Variants in PTBP3 observed in about 807,000 individuals in gnomAD.
PTBP3 encodes polypyrimidine tract-binding protein 3.
A neutral mutation model predicts 58.7 loss-of-function variants in PTBP3; 20 were observed. The observed-to-expected ratio is 0.34, with a 90% CI of 0.24 to 0.50. The LOEUF (loss-of-function observed/expected upper bound fraction) is 0.50, where lower values mean the gene tolerates loss of function less well. PTBP3 is among the 20% of genes least tolerant of loss of function. The pLI is 0.98. For missense variants in PTBP3, 509 were observed against 637.2 expected, an observed-to-expected ratio of 0.80 and a Z score of 2.17; for synonymous variants, 185 against 219.8, an observed-to-expected ratio of 0.84 and a Z score of 1.40.
chr9:112,378,950 G>A, the PTBP3 span, among the ~76,000 whole-genome samples: 3 of 152,204 alleles, frequency 2.0e-5, no homozygotes, highest in African/African-American at 7.2e-5. Context: ...ACTTTGGAAG[G>A]CCGAGGCGGG....
chr9:112,254,517 T>C (rs1049189210), intron 5 of PTBP3, among the ~76,000 whole-genome samples: 2 of 152,084 alleles, frequency 1.3e-5, no homozygotes, highest in African/African-American at 4.8e-5. Flanking sequence ...GATAAAGAAC[T>C]CATGCAACTC....
intron 5 of PTBP3, among the ~76,000 whole-genome samples, chr9:112,261,070 CG>C (rs1433660795): frequency 6.6e-6 from 1 of 152,166 alleles, no homozygotes; most frequent in African/African-American, 2.4e-5. Context: ...GTAGCAACCC[CG>C]GAACAAACAC....
chr9:112,359,365 A>G, the PTBP3 span, among the ~76,000 whole-genome samples: 36,950 of 151,846 alleles, frequency 0.24, 4,931 homozygotes, highest in East Asian at 0.36. Context: ...AGAATAGCTT[A>G]ACCCCAGGAG....
chr9:112,287,343 T>G (rs1389261983), intron 2 of PTBP3, among the ~76,000 whole-genome samples: 1 of 103,322 alleles, frequency 9.7e-6, no homozygotes, highest in East Asian at 3.7e-4. Context: ...AGTTTTTTGT[T>G]TTTTTTTTTT....
intron 1 of PTBP3, among the ~76,000 whole-genome samples, chr9:112,311,878 G>T (rs953846965): frequency 6.6e-6 from 1 of 152,086 alleles, no homozygotes; most frequent in Admixed American, 6.5e-5. Context: ...AGCCCAGGAC[G>T]TTGGAGGCTG....
chr9:112,277,114 T>C (rs1827642557), intron 2 of PTBP3, among the ~76,000 whole-genome samples: 1 of 152,164 alleles, frequency 6.6e-6, no homozygotes, highest in East Asian at 1.9e-4. Flanking sequence ...TCCATCCATA[T>C]CTGTGGCACA....
At chr9:112,255,359 A>G (rs1315819208) in intron 5 of PTBP3, among the ~76,000 whole-genome samples, 1 of 152,220 alleles carries the variant, frequency 6.6e-6, no homozygotes, top group East Asian at 1.9e-4. Flanking sequence ...AATAGTTAAA[A>G]CAGTAAAATT....
At chr9:112,290,673 A>T (rs1387933006) in intron 2 of PTBP3, among the ~76,000 whole-genome samples, 1 of 52,548 alleles carries the variant, frequency 1.9e-5, no homozygotes, top group African/African-American at 1.5e-4. Context: ...CTCTGTCTTT[A>T]AAAAAAAAAA....
intron 8 of PTBP3, 87 bp from the exon 9 acceptor site, chr9:112,232,325 GA>G (rs761260023): frequency 2.0e-5 from 25 of 1,270,490 alleles, no homozygotes; most frequent in Non-Finnish European, 2.7e-5. Flanking sequence ...AAGAGGAAAG[GA>G]AAACTACAGA....
intron 5 of PTBP3, among the ~76,000 whole-genome samples, chr9:112,260,754 T>C (rs977882653): frequency 6.6e-6 from 1 of 152,116 alleles, no homozygotes; most frequent in Admixed American, 6.5e-5. Flanking sequence ...GGGGCCTTCA[T>C]AAGGAGTTGG....
intron 1 of PTBP3, among the ~76,000 whole-genome samples, chr9:112,306,320 A>G (rs934000129): frequency 6.6e-6 from 1 of 151,926 alleles, no homozygotes; most frequent in Non-Finnish European, 1.5e-5. Flanking sequence ...GCACACCACC[A>G]TGCCCAGCTA....
chr9:112,338,698 G>A, the PTBP3 span, among the ~76,000 whole-genome samples: 34 of 152,148 alleles, frequency 2.2e-4, no homozygotes, highest in African/African-American at 7.7e-4. Context: ...GTTGAATTAT[G>A]AGCCTTTCTT....
the PTBP3 span, among the ~76,000 whole-genome samples, chr9:112,376,191 T>TTA: frequency 5.8e-4 from 58 of 100,828 alleles, no homozygotes; most frequent in East Asian, 6.2e-3. Flanking sequence ...TATTACTTCC[T>TTA]TATATACGTG....
chr9:112,272,547 CATCCATCCATCCATCT>C (rs1404542846), intron 3 of PTBP3: 1 of 152,134 alleles, frequency 6.6e-6, no homozygotes, highest in Non-Finnish European at 1.5e-5. Flanking sequence ...TTTATTTATT[CATCCATCCATCCATCT>C]ATCCATCCAT....
chr9:112,358,783 G>T, the PTBP3 span, among the ~76,000 whole-genome samples: 1 of 152,110 alleles, frequency 6.6e-6, no homozygotes, highest in Admixed American at 6.6e-5. Context: ...AATCACAAAT[G>T]AGAATGGTAA....
chr9:112,370,639 T>G, the PTBP3 span, among the ~76,000 whole-genome samples: 1 of 152,352 alleles, frequency 6.6e-6, no homozygotes, highest in South Asian at 2.1e-4. Context: ...CACATTAATT[T>G]GAGGATTGGC....
intron 1 of PTBP3, among the ~76,000 whole-genome samples, chr9:112,321,910 C>A (rs572710365): frequency 1.3e-5 from 2 of 151,896 alleles, no homozygotes; most frequent in Non-Finnish European, 2.9e-5. Flanking sequence ...CCAAGGCGGG[C>A]GGATCACAAG....
intron 1 of PTBP3, among the ~76,000 whole-genome samples, chr9:112,300,257 C>G (rs1291281975): frequency 6.6e-6 from 1 of 152,142 alleles, no homozygotes; most frequent in African/African-American, 2.4e-5. Flanking sequence ...GATGCATAAA[C>G]CCCAAGATAT....
In PTBP3 at chr9:112,222,897, A is replaced by C. The variant is rs570986747; in HGVS notation, c.*954T>G. On this transcript the variant is annotated 3_prime_UTR_variant, in exon 14 of 14. Transcript: ENST00000374257. The stretch of plus-strand genomic sequence containing the variant: ...TTGAGATTAATTTTTTTCTAAAAGA[A>C]GACCTTACCAAAAATAACTTTTAAA... 4 of 879,926 alleles carry C rather than the reference A, an allele frequency of 4.5e-6. No individual in the cohort carries two copies. The highest frequency in any genetic ancestry group is 5.5e-6 in the Non-Finnish European group (4 of 733,722). 54.5% of individuals were successfully genotyped at this position (879,926 alleles called of 1,614,324 possible).
Sources: gnomAD v4.1 joint callset for allele counts (sites outside exome capture counted in the v4.1 genomes callset) on GRCh38, gnomAD v4.1.1 for gene constraint, MANE v1.5 for transcripts, NCBI Gene and HGNC (gene_info 2026-07-23, HGNC 2026-07-21) for gene names.